PLEKHG1: variants seen among roughly 807,000 people sequenced by gnomAD.
PLEKHG1 encodes pleckstrin homology domain-containing family G member 1.
Under a neutral mutation model 100.8 loss-of-function variants are expected in PLEKHG1, and 44 were observed. The observed-to-expected ratio is 0.44, with a 90% CI of 0.34 to 0.56. The LOEUF is 0.56. Among genes scored for constraint, PLEKHG1 ranks in the 20% least tolerant of loss-of-function variants. PLEKHG1 has a pLI of 0.01. For missense variants in PLEKHG1, 1,545 were observed against 1,720.9 expected (o/e 0.90, Z 1.81); for synonymous variants, 640 against 662.5 (o/e 0.97, Z 0.52).
intron 1 of PLEKHG1, chr6:150,632,864 C>T (rs1013005866): frequency 6.6e-5 from 10 of 152,152 alleles, no homozygotes; most frequent in Non-Finnish European, 1.2e-4. Context: ...TCTGGGGAAA[C>T]GAGCTTGAGG....
At chr6:150,645,134 G>A (rs1437112484) in intron 2 of PLEKHG1, among the ~76,000 whole-genome samples, 1 of 152,166 alleles carries the variant, frequency 6.6e-6, no homozygotes, top group Non-Finnish European at 1.5e-5. Context: ...GGGATGAGCA[G>A]TTAGACCAAA....
chr6:150,826,952 ATCTT>A (rs773703072), intron 14 of PLEKHG1, among the ~76,000 whole-genome samples: 2 of 148,600 alleles, frequency 1.3e-5, no homozygotes, highest in African/African-American at 2.5e-5. Flanking sequence ...TTCTCTCTCT[ATCTT>A]TCTTTCTGTT....
At position 150,819,756 on chromosome 6, in the gene PLEKHG1, C is replaced by G. The variant is rs144621364; in HGVS notation, c.1390C>G (p.Arg464Gly). 2.1e-4 allele frequency: 331 copies of G among 1,602,220 alleles called. 1 individual carries two copies. The African/African-American group carries it at 3.8e-3, about 18-fold the overall frequency. ...CTCTAAAGAAGGTTCTGCTCCATAT[C>G]GGCTGAGAAGAAAATCTGGTAAGTA... The change falls in exon 12 of 16, where the codon CGG becomes GGG. Residue 464 changes from arginine (R) to glycine (G), a missense_variant. By Grantham distance (125) the Arg-to-Gly change is moderately radical. Transcript: ENST00000358517.
chr6:150,607,021 G>A (rs1282638525), intron 1 of PLEKHG1, among the ~76,000 whole-genome samples: 1 of 152,082 alleles, frequency 6.6e-6, no homozygotes, highest in Non-Finnish European at 1.5e-5. Context: ...TCCTTCCTGA[G>A]CTACCCCCTT....
intron 10 of PLEKHG1, among the ~76,000 whole-genome samples, chr6:150,817,315 A>G (rs1776022205): frequency 6.6e-6 from 1 of 152,224 alleles, no homozygotes. Context: ...ATTCTGGGGC[A>G]CACAGAAGAG....
intron 15 of PLEKHG1, among the ~76,000 whole-genome samples, chr6:150,834,082 A>G (rs1167254722): frequency 1.3e-5 from 2 of 152,134 alleles, no homozygotes; most frequent in Non-Finnish European, 2.9e-5. Context: ...TTCTTAACAG[A>G]TAGGGAAACA....
chr6:150,611,551 C>T (rs141469355), intron 1 of PLEKHG1, among the ~76,000 whole-genome samples: 8 of 152,270 alleles, frequency 5.3e-5, no homozygotes, highest in African/African-American at 1.9e-4. Flanking sequence ...GTGGCTCACG[C>T]CTGTAATCCC....
chr6:150,772,435 C>T (rs912750618), intron 3 of PLEKHG1, among the ~76,000 whole-genome samples: 4 of 152,214 alleles, frequency 2.6e-5, no homozygotes, highest in East Asian at 3.9e-4. Flanking sequence ...GCCTGGGCAA[C>T]GTGGCGAAAT....
At position 150,645,206 on chromosome 6, in the gene PLEKHG1, T is replaced by C. The variant is rs575211880; in HGVS notation, c.-157-5522T>C. 3.3e-5 allele frequency among the ~76,000 whole-genome samples: 5 copies of C among 152,246 alleles called. No individual in the cohort carries two copies. In the East Asian group the frequency reaches 7.7e-4, roughly 23 times the overall value. On this transcript the variant is annotated intron_variant, in intron 2 of 3. Coordinates refer to the PLEKHG1 transcript ENST00000367326. The stretch of plus-strand genomic sequence containing the variant: ...AATCCTGATATGTAACAGAGGTGCA[T>C]TGCAAATAAGTGGAAAGAATAAATT...
intron 14 of PLEKHG1, among the ~76,000 whole-genome samples, chr6:150,824,638 C>T (rs1226643156): frequency 6.6e-6 from 1 of 151,810 alleles, no homozygotes; most frequent in African/African-American, 2.4e-5. Context: ...TCTCCTGCCT[C>T]AGCCTCCCAA....
intron 2 of PLEKHG1, among the ~76,000 whole-genome samples, chr6:150,766,062 G>A (rs1188554735): frequency 6.6e-6 from 1 of 152,162 alleles, no homozygotes; most frequent in East Asian, 1.9e-4. Context: ...ATCTTATAAT[G>A]GTAGAGATCT....
chr6:150,824,319 T>G (rs1337700492), intron 14 of PLEKHG1, among the ~76,000 whole-genome samples: 3 of 152,230 alleles, frequency 2.0e-5, no homozygotes, highest in Non-Finnish European at 4.4e-5. Flanking sequence ...GTGTGGCTAC[T>G]GATCAGTTGG....
intron 14 of PLEKHG1, among the ~76,000 whole-genome samples, chr6:150,824,469 A>G (rs1026688463): frequency 5.3e-5 from 8 of 152,186 alleles, no homozygotes; most frequent in African/African-American, 1.9e-4. Flanking sequence ...CTTGTTGATA[A>G]ACGTTGTATC....
At chr6:150,781,694 T>A (rs75253868) in intron 3 of PLEKHG1, among the ~76,000 whole-genome samples, 7,583 of 152,184 alleles carry the variant, frequency 0.05, 385 homozygotes, top group East Asian at 0.23. Flanking sequence ...TTTTCTGATC[T>A]TTCAAAGGGA....
intron 3 of PLEKHG1, among the ~76,000 whole-genome samples, chr6:150,653,935 T>A (rs4869924): frequency 0.074 from 11,269 of 152,230 alleles, 524 homozygotes; most frequent in Non-Finnish European, 0.1. Flanking sequence ...TATTTCCCTT[T>A]CCATAATCAT....
chr6:150,701,885 A>G (rs1405845776), intron 3 of PLEKHG1, among the ~76,000 whole-genome samples: 1 of 152,218 alleles, frequency 6.6e-6, no homozygotes, highest in Non-Finnish European at 1.5e-5. Flanking sequence ...TGCATGCACC[A>G]TGATGAATGT....
At chr6:150,650,691 T>A (rs1234961753) in intron 2 of PLEKHG1, 37 bp from the exon 2 acceptor site, 1 of 152,182 alleles carries the variant, frequency 6.6e-6, no homozygotes, top group Non-Finnish European at 1.5e-5. Flanking sequence ...AAGCAATATT[T>A]AAGTAAAAAG....
chr6:150,602,214 G>A (rs1325926659), intron 1 of PLEKHG1, among the ~76,000 whole-genome samples: 1 of 152,164 alleles, frequency 6.6e-6, no homozygotes, highest in Non-Finnish European at 1.5e-5. Flanking sequence ...AATGGCGGCC[G>A]TTCACTTTTT....
At chr6:150,625,310 G>C (rs551623053) in intron 1 of PLEKHG1, among the ~76,000 whole-genome samples, 77 of 152,168 alleles carry the variant, frequency 5.1e-4, no homozygotes, top group Non-Finnish European at 1.0e-3. Flanking sequence ...GTGTTAGCAG[G>C]GTTGTTTCTT....
Sources: allele counts gnomAD v4.1 joint callset (sites outside exome capture counted in the v4.1 genomes callset), GRCh38; gene constraint gnomAD v4.1.1; transcripts MANE v1.5; gene names NCBI Gene and HGNC (gene_info 2026-07-23, HGNC 2026-07-21).